ADAMTS6: variants seen among roughly 807,000 people sequenced by gnomAD.
The protein encoded by ADAMTS6 is ADAM metallopeptidase with thrombospondin type 1 motif 6.
ADAMTS6 carries 23 observed loss-of-function variants against 144.3 expected under a neutral mutation model. The ratio of observed to expected loss-of-function variants is 0.16; its 90% CI spans 0.11 to 0.23. ADAMTS6 has a LOEUF of 0.23. ADAMTS6 is among the 10% of genes least tolerant of loss of function. The pLI is 1.00. For synonymous variants in ADAMTS6, 444 were observed against 457.5 expected (o/e 0.97, Z 0.38); for missense variants, 999 against 1,379.6 (o/e 0.72, Z 4.37).
intron 11 of ADAMTS6, among the ~76,000 whole-genome samples, chr5:65,274,883 C>T (rs191675141): frequency 1.9e-3 from 283 of 152,220 alleles, no homozygotes; most frequent in Non-Finnish European, 3.3e-3. Context: ...CAGGGTTTCA[C>T]GATGTTGGCC....
At chr5:65,325,369 AT>A (rs1205075369) in intron 9 of ADAMTS6, among the ~76,000 whole-genome samples, 5 of 152,208 alleles carry the variant, frequency 3.3e-5, no homozygotes, top group African/African-American at 9.6e-5. Context: ...AATTCATTTT[AT>A]AAAACTAACA....
At chr5:65,407,209 G>C (rs1178020034) in intron 7 of ADAMTS6, among the ~76,000 whole-genome samples, 2 of 152,154 alleles carry the variant, frequency 1.3e-5, no homozygotes, top group South Asian at 2.1e-4. Flanking sequence ...TGAAATGAAG[G>C]AAAAAATGTT....
intron 15 of ADAMTS6, among the ~76,000 whole-genome samples, chr5:65,230,571 G>T (rs190269394): frequency 1.5e-5 from 1 of 66,338 alleles, no homozygotes; most frequent in Non-Finnish European, 2.7e-5. Flanking sequence ...TATAATACAT[G>T]ATATATATGA....
At chr5:65,154,622 A>G (rs1180006978) in intron 24 of ADAMTS6, among the ~76,000 whole-genome samples, 2 of 152,144 alleles carry the variant, frequency 1.3e-5, no homozygotes, top group Non-Finnish European at 2.9e-5. Context: ...CTGCCAAGTT[A>G]CTTCACCTCT....
At chr5:65,373,557 G>A (rs1004005300) in intron 7 of ADAMTS6, among the ~76,000 whole-genome samples, 1 of 151,754 alleles carries the variant, frequency 6.6e-6, no homozygotes, top group Non-Finnish European at 1.5e-5. Flanking sequence ...GACTAAACCA[G>A]GAAGAAGTTG....
At chr5:65,318,118 A>G (rs1459497971) in intron 9 of ADAMTS6, among the ~76,000 whole-genome samples, 1 of 151,912 alleles carries the variant, frequency 6.6e-6, no homozygotes, top group Non-Finnish European at 1.5e-5. Context: ...GCAAACAGGC[A>G]TACAAAAAGT....
intron 7 of ADAMTS6, among the ~76,000 whole-genome samples, chr5:65,357,032 G>A (rs1386488610): frequency 6.6e-6 from 1 of 151,726 alleles, no homozygotes; most frequent in Non-Finnish European, 1.5e-5. Flanking sequence ...ATAATGGGGT[G>A]AAGACAAAGG....
intron 9 of ADAMTS6, among the ~76,000 whole-genome samples, chr5:65,326,118 C>T (rs1325819839): frequency 1.3e-5 from 2 of 151,914 alleles, no homozygotes; most frequent in Non-Finnish European, 2.9e-5. Flanking sequence ...ATTTTTAAGA[C>T]CCCTTGTTAA....
At chr5:65,231,244 T>C (rs1036985328) in intron 15 of ADAMTS6, among the ~76,000 whole-genome samples, 1 of 151,900 alleles carries the variant, frequency 6.6e-6, no homozygotes, top group African/African-American at 2.4e-5. Context: ...TATACTTATA[T>C]CAGACAAAAT....
intron 11 of ADAMTS6, among the ~76,000 whole-genome samples, chr5:65,281,291 A>T (rs1254365727): frequency 6.6e-6 from 1 of 152,174 alleles, no homozygotes; most frequent in Non-Finnish European, 1.5e-5. Flanking sequence ...GAAAAATGTC[A>T]CTGGCCAATT....
chr5:65,386,368 C>G (rs1303809172), intron 7 of ADAMTS6, among the ~76,000 whole-genome samples: 2 of 152,068 alleles, frequency 1.3e-5, no homozygotes. Context: ...AATAGTATGG[C>G]AATATCCTTG....
chr5:65,420,487 T>C (rs1451105470), intron 7 of ADAMTS6, among the ~76,000 whole-genome samples: 1 of 152,160 alleles, frequency 6.6e-6, no homozygotes, highest in Non-Finnish European at 1.5e-5. Context: ...GTTCAAGTGA[T>C]TCTCCTGCCT....
At chr5:65,265,390 A>G (rs1187088975) in intron 12 of ADAMTS6, among the ~76,000 whole-genome samples, 1 of 152,038 alleles carries the variant, frequency 6.6e-6, no homozygotes, top group African/African-American at 2.4e-5. Flanking sequence ...TTGAAGAACA[A>G]TTTTTATAGT....
chr5:65,158,876 CTTA>C (rs1752583912), intron 24 of ADAMTS6, among the ~76,000 whole-genome samples: 1 of 152,282 alleles, frequency 6.6e-6, no homozygotes, highest in Admixed American at 6.5e-5. Context: ...TTCTGATTTC[CTTA>C]TTATCATTTG....
intron 14 of ADAMTS6, 78 bp from the exon 15 acceptor site, chr5:65,242,284 T>C: frequency 9.8e-7 from 1 of 1,024,934 alleles, no homozygotes; most frequent in South Asian, 1.7e-5. Context: ...TAAAATGAAC[T>C]CCATCAAATT....
chr5:65,180,808 G>A (rs1754302388), intron 22 of ADAMTS6, among the ~76,000 whole-genome samples: 1 of 152,056 alleles, frequency 6.6e-6, no homozygotes, highest in African/African-American at 2.4e-5. Flanking sequence ...TACCTCTTGA[G>A]GCTCATCTCT....
chr5:65,338,809 C>T (rs1004149282), intron 7 of ADAMTS6, among the ~76,000 whole-genome samples: 1 of 152,222 alleles, frequency 6.6e-6, no homozygotes, highest in African/African-American at 2.4e-5. Flanking sequence ...CCTAGGCTAA[C>T]CAAGGAGCTG....
chr5:65,190,356 G>A (rs1754935395), intron 21 of ADAMTS6, among the ~76,000 whole-genome samples: 2 of 152,130 alleles, frequency 1.3e-5, no homozygotes, highest in Admixed American at 6.6e-5. Flanking sequence ...ATGATCCCCA[G>A]TTGTTAGTAC....
At chr5:65,172,515 A>G (rs540587796) in intron 23 of ADAMTS6, among the ~76,000 whole-genome samples, 8 of 152,236 alleles carry the variant, frequency 5.3e-5, no homozygotes, top group Admixed American at 4.6e-4. Context: ...AGCTGGGACT[A>G]GAATCCAAAG....
Sources: allele counts gnomAD v4.1 joint callset (sites outside exome capture counted in the v4.1 genomes callset), GRCh38; gene constraint gnomAD v4.1.1; transcripts MANE v1.5; gene names NCBI Gene and HGNC (gene_info 2026-07-23, HGNC 2026-07-21).